Variants in LRRC3C observed in about 807,000 individuals in gnomAD.
LRRC3C encodes leucine-rich repeat-containing protein 3C.
A neutral mutation model predicts 14.8 loss-of-function variants in LRRC3C; 11 were observed. The ratio of observed to expected loss-of-function variants is 0.74; its 90% confidence interval spans 0.47 to 1.23. The LOEUF (loss-of-function observed/expected upper bound fraction) is 1.23. LRRC3C is among the 50% of genes most tolerant of loss of function. The pLI is 0.00. For synonymous variants in LRRC3C, 149 were observed against 161.5 expected (o/e 0.92, Z 0.59); for missense variants, 354 against 361.8 (o/e 0.98, Z 0.18).
intron 1 of LRRC3C, among the ~76,000 whole-genome samples, chr17:39,933,385 C>T (rs943154945): frequency 2.0e-5 from 3 of 152,080 alleles, no homozygotes; most frequent in African/African-American, 7.2e-5. Flanking sequence ...AAACAAGGAA[C>T]ATGTTCCTGG....
intron 2 of LRRC3C, among the ~76,000 whole-genome samples, chr17:39,940,768 G>A (rs1011452680): frequency 6.7e-6 from 1 of 150,174 alleles, no homozygotes; most frequent in African/African-American, 2.5e-5. Flanking sequence ...TTGAGACAGG[G>A]TCTTAATGCG....
chr17:39,941,383 TAACAG>T (rs1370475176), intron 2 of LRRC3C, 55 bp from the exon 3 acceptor site: 17 of 494,254 alleles, frequency 3.4e-5, no homozygotes, highest in South Asian at 1.7e-4. Flanking sequence ...AAGAAATTCT[TAACAG>T]GTTTTTGAAA....
intron 1 of LRRC3C, among the ~76,000 whole-genome samples, chr17:39,931,533 G>C (rs1384349779): frequency 6.6e-6 from 1 of 150,498 alleles, no homozygotes; most frequent in Non-Finnish European, 1.5e-5. Flanking sequence ...GATTGCATTT[G>C]CTTCGAAATA....
At chr17:39,943,833 C>CA in intron 3 of LRRC3C, 100 bp from the exon 4 acceptor site, 1 of 1,217,360 alleles carries the variant, frequency 8.2e-7, no homozygotes. Context: ...GGCCCCAGCC[C>CA]AAAAAGACTC....
intron 1 of LRRC3C, among the ~76,000 whole-genome samples, chr17:39,934,225 G>A (rs545157391): frequency 6.6e-6 from 1 of 152,182 alleles, no homozygotes; most frequent in African/African-American, 2.4e-5. Context: ...GTGCAGGGAG[G>A]TACCTTAGGA....
In LRRC3C at chr17:39,933,589, C is replaced by T. The variant is rs553755550; in HGVS notation, c.-174-2213C>T. Among the ~76,000 whole-genome samples the T allele has an allele frequency of 4.6e-4, 70 of 152,168 alleles. 1 individual carries two copies. In the South Asian group the frequency reaches 7.2e-3, roughly 16 times the overall value. On this transcript the variant is annotated intron_variant, in intron 1 of 3. Coordinates refer to ENST00000377924, the MANE Select transcript of LRRC3C (RefSeq NM_001195545.2). ...CTCCACTAAAAATACAAAAATTAGC[C>T]GGGCGTGGTGGCGGGCGCCTGTAAT...
At chr17:39,932,487 T>C (rs1343256502) in intron 1 of LRRC3C, among the ~76,000 whole-genome samples, 2 of 151,756 alleles carry the variant, frequency 1.3e-5, no homozygotes, top group East Asian at 1.9e-4. Context: ...GAGGATTGCT[T>C]GAGGCCAGGA....
At chr17:39,939,181 G>A (rs1598294309) in intron 2 of LRRC3C, among the ~76,000 whole-genome samples, 1 of 152,132 alleles carries the variant, frequency 6.6e-6, no homozygotes, top group Non-Finnish European at 1.5e-5. Flanking sequence ...TGAAGAAGTA[G>A]GCAACAGGAT....
In LRRC3C at chr17:39,944,842, C is replaced by T; in HGVS notation, c.*108C>T. ...GCAGCTTCACCCCTGCCCCCAAGCC[C>T]ATCCCACCCCTCCCTCCTTTATTCC... On this transcript the variant is annotated 3_prime_UTR_variant, in exon 4 of 4. Transcript: ENST00000377924. 2 of 905,220 alleles carry T rather than the reference C, an allele frequency of 2.2e-6. No homozygotes were observed. Among genetic ancestry groups the T allele is most frequent in the Non-Finnish European group, 3.3e-6 (2 of 601,882 alleles). 56.1% of individuals were successfully genotyped at this position (905,220 alleles called of 1,614,324 possible). A position where few individuals can be genotyped will look rare whatever the true frequency, so the allele number is the denominator to read the frequency against.
chr17:39,942,705 C>T (rs369946890), intron 3 of LRRC3C, among the ~76,000 whole-genome samples: 2 of 152,192 alleles, frequency 1.3e-5, no homozygotes, highest in Admixed American at 6.5e-5. Context: ...CCTGGACAGA[C>T]ATGTTTTCCA....
At position 39,944,058 on chromosome 17, in the gene LRRC3C, G is replaced by A. The variant is rs1979009869; in HGVS notation, c.152G>A (p.Gly51Asp). 2 of 1,536,018 alleles carry A rather than the reference G, an allele frequency of 1.3e-6. No individual in the cohort carries two copies. Among genetic ancestry groups the A allele is most frequent in the Middle Eastern group, 1.7e-4 (1 of 6,012 alleles). ...TVPSPQVPPRGCYVAKEAGER... is the reference protein window; with the variant it reads ...TVPSPQVPPRDCYVAKEAGER... ...CCCAGCCCCCAGGTGCCTCCCCGGG[G>A]CTGTTATGTGGCAAAGGAAGCAGGT... The change falls in exon 4 of 4, where the codon GGC (glycine) becomes GAC (aspartate). Residue 51 changes from glycine (G) to aspartate (D), a missense_variant. By Grantham distance (94) the Gly-to-Asp change is moderately conservative. Coordinates refer to ENST00000377924, the MANE Select transcript of LRRC3C (RefSeq NM_001195545.2).
Position 39,944,632 on chromosome 17 carries a change from T to G in LRRC3C, c.726T>G (p.His242Gln). ...WLTLMVAYLV[H>Q]YVWQNRDETR... ...CACTCATGGTGGCTTATCTGGTGCA[T>G]TATGTGTGGCAGAACCGAGATGAGA... is the stretch of plus-strand genomic sequence containing the variant. The change falls in exon 4 of 4, where the codon CAT becomes CAG. Residue 242 changes from histidine (H) to glutamine (Q), a missense_variant. Transcript: ENST00000377924. 6.5e-7 allele frequency: 1 copy of G among 1,535,886 alleles called. No individual in the cohort carries two copies. The highest frequency in any genetic ancestry group is 8.7e-7 in the Non-Finnish European group (1 of 1,146,876).
chr17:39,939,321 C>A, intron 2 of LRRC3C: 1 of 981,522 alleles, frequency 1.0e-6, no homozygotes, highest in Non-Finnish European at 1.2e-6. Context: ...TACTTATTCT[C>A]TCTCTGTGCT....
At chr17:39,930,487 C>T (rs1978619728) in intron 1 of LRRC3C, among the ~76,000 whole-genome samples, 1 of 145,566 alleles carries the variant, frequency 6.9e-6, no homozygotes, top group Non-Finnish European at 1.5e-5. Flanking sequence ...GTAGGCGGAT[C>T]ACCTGAGGTC....
intron 1 of LRRC3C, among the ~76,000 whole-genome samples, chr17:39,933,810 C>T (rs900670745): frequency 3.3e-5 from 5 of 152,210 alleles, no homozygotes; most frequent in African/African-American, 7.2e-5. Context: ...CCTACTCCTC[C>T]CCTCCTCCCC....
At chr17:39,929,057 A>G (rs1978571785) in intron 1 of LRRC3C, 1 of 152,232 alleles carries the variant, frequency 6.6e-6, no homozygotes. Context: ...GCCTTTCCTT[A>G]TAGTCATCTT....
intron 1 of LRRC3C, among the ~76,000 whole-genome samples, chr17:39,928,343 G>A (rs1978547039): frequency 6.6e-6 from 1 of 152,232 alleles, no homozygotes; most frequent in African/African-American, 2.4e-5. Flanking sequence ...AAAGGCAAGG[G>A]CACAGACTTT....
intron 1 of LRRC3C, among the ~76,000 whole-genome samples, chr17:39,932,112 T>G (rs1250887497): frequency 1.7e-4 from 26 of 152,342 alleles, no homozygotes; most frequent in Non-Finnish European, 4.4e-5. Flanking sequence ...TTACCAGCTG[T>G]GTAACCTTAA....
Position 39,944,463 on chromosome 17 carries a change from T to G in LRRC3C, c.557T>G (p.Val186Gly). ...GTGCCGGGCACTGGGACAGGCATCG[T>G]GTGTGGCTCAGGAGCCCGACCGGAC... ...RLVPGTGTGIVCGSGARPDLV... is the reference protein window; with the variant it reads ...RLVPGTGTGIGCGSGARPDLV... The change falls in exon 4 of 4, where the codon GTG (valine) becomes GGG (glycine). Residue 186 changes from valine (V) to glycine (G), a missense_variant. By Grantham distance (109) the Val-to-Gly change is moderately radical. Coordinates refer to ENST00000377924, the MANE Select transcript of LRRC3C (RefSeq NM_001195545.2). 1 of 1,487,148 alleles carries G rather than the reference T, an allele frequency of 6.7e-7. No homozygotes were observed. 92.1% of individuals were successfully genotyped at this position (1,487,148 alleles called of 1,614,324 possible). A position where few individuals can be genotyped will look rare whatever the true frequency, so the allele number is the denominator to read the frequency against.
Sources: gnomAD v4.1 joint callset for allele counts (sites outside exome capture counted in the v4.1 genomes callset) on GRCh38, gnomAD v4.1.1 for gene constraint, MANE v1.5 for transcripts, NCBI Gene and HGNC (gene_info 2026-07-23, HGNC 2026-07-21) for gene names.